Variants in ANKS1B observed in about 807,000 individuals in gnomAD.
ANKS1B encodes ankyrin repeat and sterile alpha motif domain containing 1B, also known as ankyrin repeat and sterile alpha motif domain-containing protein 1B.
Under a neutral mutation model 148.3 loss-of-function variants are expected in ANKS1B, and 36 were observed. The observed-to-expected ratio is 0.24, with a 90% CI of 0.19 to 0.32. The LOEUF is 0.32. Among genes scored for constraint, ANKS1B ranks in the 10% least tolerant of loss-of-function variants. The pLI is 1.00. For synonymous variants in ANKS1B, 542 were observed against 560.8 expected (o/e 0.97, Z 0.47); for missense variants, 1,157 against 1,542.6 (o/e 0.75, Z 4.19).
rs536378717 is a variant in ANKS1B at position 98,751,357 on chromosome 12, C to T, written c.3745G>A (p.Val1249Met). ...PKPRVSIRKS[V>M]QIDPSEQKTL... The stretch of plus-strand genomic sequence containing the variant: ...ACATCTGTATCGTTTCTACTTACCA[C>T]GGACTTGCGAATGCTAACGCGGGGC... Residue 1249 changes from valine (V) to methionine (M), a missense_variant and splice_region_variant, in exon 26 of 27, where the codon GTG becomes ATG. By Grantham distance (21) the Val-to-Met change is conservative. This residue lies in a region of ANKS1B where 46 missense variants were observed against 62.0 expected (regional missense o/e 0.74). Transcript: ENST00000683438. This position sits in a 1 kb window ranked among gnomAD's most constrained non-coding sequence, Gnocchi z 4.3. 4.3e-5 allele frequency: 69 copies of T among 1,613,494 alleles called. 1 individual carries two copies. In the South Asian group the frequency reaches 6.6e-4, roughly 15 times the overall value.
intron 17 of ANKS1B, among the ~76,000 whole-genome samples, chr12:99,002,828 T>C (rs995658897): frequency 1.3e-5 from 2 of 152,124 alleles, no homozygotes; most frequent in African/African-American, 4.8e-5. Context: ...CACAGAAGCG[T>C]TTTAGTCTGA....
chr12:99,712,608 T>C (rs866830340), intron 8 of ANKS1B, among the ~76,000 whole-genome samples: 4 of 152,356 alleles, frequency 2.6e-5, no homozygotes, highest in Middle Eastern at 6.8e-3. Flanking sequence ...AAAGGATCTA[T>C]GGGTGAGGCT....
chr12:99,035,492 A>C (rs2153474005), intron 17 of ANKS1B, among the ~76,000 whole-genome samples: 1 of 152,270 alleles, frequency 6.6e-6, no homozygotes, highest in South Asian at 2.1e-4. Context: ...AGCTGTCCAT[A>C]CTTTGTTGAA....
At chr12:99,534,456 T>C (rs1490187250) in intron 9 of ANKS1B, among the ~76,000 whole-genome samples, 2 of 152,182 alleles carry the variant, frequency 1.3e-5, no homozygotes, top group African/African-American at 4.8e-5. Flanking sequence ...ATCCATATGC[T>C]GAGAGAAAAG....
intron 1 of ANKS1B, among the ~76,000 whole-genome samples, chr12:99,880,379 T>C (rs905536488): frequency 6.6e-6 from 1 of 152,276 alleles, no homozygotes; most frequent in African/African-American, 2.4e-5. Context: ...TCTGAAGAAA[T>C]CTGGTTCCAT....
At chr12:98,990,693 T>A (rs912113752) in intron 17 of ANKS1B, among the ~76,000 whole-genome samples, 2 of 151,878 alleles carry the variant, frequency 1.3e-5, no homozygotes, top group Non-Finnish European at 2.9e-5. Context: ...AAGAAAAATA[T>A]AGGATAGCTC....
At chr12:99,492,360 T>A (rs1208426995) in intron 10 of ANKS1B, among the ~76,000 whole-genome samples, 1 of 152,112 alleles carries the variant, frequency 6.6e-6, no homozygotes. Context: ...AGGAAGGAAC[T>A]GATTCCCTAA....
intron 14 of ANKS1B, among the ~76,000 whole-genome samples, chr12:99,164,252 A>C (rs527650561): frequency 4.6e-5 from 7 of 152,272 alleles, no homozygotes; most frequent in Non-Finnish European, 1.0e-4. Context: ...ATGAGCATTT[A>C]AAAATGTGTC....
chr12:99,791,308 G>A (rs539102592), intron 4 of ANKS1B, among the ~76,000 whole-genome samples: 2 of 151,994 alleles, frequency 1.3e-5, no homozygotes, highest in South Asian at 2.1e-4. Flanking sequence ...GGGAAAGATA[G>A]ACCTAAATAC....
chr12:99,939,585 G>A (rs1003057249), intron 1 of ANKS1B, among the ~76,000 whole-genome samples: 1 of 152,044 alleles, frequency 6.6e-6, no homozygotes, highest in African/African-American at 2.4e-5. Context: ...CAGGCTCATT[G>A]TAGTATAAAT....
chr12:99,123,463 T>G (rs2063478781), intron 15 of ANKS1B, among the ~76,000 whole-genome samples: 1 of 151,908 alleles, frequency 6.6e-6, no homozygotes, highest in African/African-American at 2.4e-5. Context: ...ACTAAGTGGA[T>G]AGATGAATAT....
intron 10 of ANKS1B, among the ~76,000 whole-genome samples, chr12:99,483,552 G>A (rs2096445486): frequency 6.6e-6 from 1 of 151,788 alleles, no homozygotes; most frequent in South Asian, 2.1e-4. Flanking sequence ...TAACCTTTTG[G>A]AAGTTTCAGT....
rs190688105 is a variant in ANKS1B, at chr12:99,265,664, C to T, written c.1757-18800G>A. Among the ~76,000 whole-genome samples, 692 of 152,242 alleles carry T rather than the reference C, an allele frequency of 4.5e-3. 1 individual carries two copies. Among genetic ancestry groups the T allele is most frequent in the Middle Eastern group, 0.01 (3 of 294 alleles). On this transcript the variant is annotated intron_variant, in intron 12 of 26. Coordinates refer to ENST00000683438, the MANE Select transcript of ANKS1B (RefSeq NM_001352186.2). Reference sequence around the variant, plus strand: ...TAACTGGGGCAGTGTCCTCATTCTTCGCTTCTCACAGTTGTCCTCATTAAG... The same window carrying T: ...TAACTGGGGCAGTGTCCTCATTCTTTGCTTCTCACAGTTGTCCTCATTAAG...
intron 15 of ANKS1B, among the ~76,000 whole-genome samples, chr12:99,124,301 G>A (rs1156635581): frequency 6.6e-6 from 1 of 152,050 alleles, no homozygotes; most frequent in Non-Finnish European, 1.5e-5. Context: ...AGTGCCAGTG[G>A]GATTTGCTGA....
chr12:99,179,901 G>T (rs1323777382), intron 14 of ANKS1B, among the ~76,000 whole-genome samples: 1 of 152,092 alleles, frequency 6.6e-6, no homozygotes, highest in African/African-American at 2.4e-5. Flanking sequence ...TGGCATTTAA[G>T]GTTCTCCATC....
chr12:98,894,991 A>AGCGGCGGCGGCG (rs555983816), intron 17 of ANKS1B: 9 of 716,130 alleles, frequency 1.3e-5, no homozygotes, highest in Non-Finnish European at 1.2e-5. Flanking sequence ...CCCTGGCGGC[A>AGCGGCGGCGGCG]GCGGCGGCGG....
At chr12:99,355,264 T>C (rs2091861971) in intron 12 of ANKS1B, among the ~76,000 whole-genome samples, 1 of 152,046 alleles carries the variant, frequency 6.6e-6, no homozygotes, top group Admixed American at 6.6e-5. Flanking sequence ...GTTTCATAAT[T>C]GGTAAGTGGA....
chr12:98,744,476 ATTT>A lies in ANKS1B; in HGVS notation c.*1260_*1262del. The A allele has an allele frequency of 1.5e-6, 1 of 666,286 alleles. No homozygotes were observed. The highest frequency in any genetic ancestry group is 1.9e-6 in the Non-Finnish European group (1 of 538,666). 41.3% of individuals were successfully genotyped at this position (666,286 alleles called of 1,614,324 possible). A position where few individuals can be genotyped will look rare whatever the true frequency, so the allele number is the denominator to read the frequency against. On this transcript the variant is annotated 3_prime_UTR_variant, in exon 27 of 27. Transcript: ENST00000683438. ...TTAGAACAATATACATTAAAATGTTATTTTTTTCTATAATGATATTGGTACTGT... is the reference window on the plus strand; with the variant it reads ...TTAGAACAATATACATTAAAATGTTATTTTCTATAATGATATTGGTACTGT...
chr12:99,936,913 G>T (rs1032408583), intron 1 of ANKS1B, among the ~76,000 whole-genome samples: 9 of 152,164 alleles, frequency 5.9e-5, no homozygotes, highest in Admixed American at 5.9e-4. Flanking sequence ...TACACTGAAT[G>T]ACTATAGATT....
Sources: gnomAD v4.1 joint callset for allele counts (sites outside exome capture counted in the v4.1 genomes callset) on GRCh38, gnomAD v4.1.1 for gene constraint, gnomAD v4.1.1 regional missense constraint, Gnocchi (gnomAD v3.1) non-coding constraint, MANE v1.5 for transcripts, NCBI Gene and HGNC (gene_info 2026-07-23, HGNC 2026-07-21) for gene names.